The following PRKCA variants were observed in gnomAD, a reference collection of about 807,000 sequenced individuals.
PRKCA encodes protein kinase C alpha type.
PRKCA carries 27 observed loss-of-function variants against 87.0 expected under a neutral mutation model. The ratio of observed to expected loss-of-function variants is 0.31; its 90% CI spans 0.23 to 0.43. The LOEUF (loss-of-function observed/expected upper bound fraction) is 0.43. Ranked by LOEUF, PRKCA falls within the 20% of genes least tolerant of loss-of-function variation. The probability of loss-of-function intolerance (pLI) is 1.00; values close to 1 mark genes in which losing one functional copy is unlikely to be tolerated. For synonymous variants in PRKCA, 329 were observed against 311.1 expected, an observed-to-expected ratio of 1.06 and a Z score of -0.61; for missense variants, 518 against 852.3, an observed-to-expected ratio of 0.61 and a Z score of 4.88.
intron 9 of PRKCA, among the ~76,000 whole-genome samples, chr17:66,734,673 G>A (rs968125558): frequency 6.6e-6 from 1 of 152,140 alleles, no homozygotes; most frequent in Non-Finnish European, 1.5e-5. Flanking sequence ...CTGCGACTAA[G>A]AATGCCTGAC....
intron 3 of PRKCA, 106 bp from the exon 4 acceptor site, chr17:66,641,249 C>G: frequency 2.8e-6 from 2 of 711,866 alleles, no homozygotes; most frequent in East Asian, 5.1e-5. Flanking sequence ...CTGGTGTTAT[C>G]GAACCTTGAC....
At chr17:66,710,181 C>T (rs1303963605) in intron 8 of PRKCA, among the ~76,000 whole-genome samples, 1 of 151,460 alleles carries the variant, frequency 6.6e-6, no homozygotes, top group African/African-American at 2.4e-5. Flanking sequence ...CTTCCTACCC[C>T]TCCAAGGGTC....
chr17:66,365,447 C>G (rs1234132007), intron 2 of PRKCA, among the ~76,000 whole-genome samples: 2 of 152,092 alleles, frequency 1.3e-5, no homozygotes, highest in African/African-American at 4.8e-5. Flanking sequence ...TCATTTAATC[C>G]CCTTTTCAGA....
intron 3 of PRKCA, among the ~76,000 whole-genome samples, chr17:66,590,806 C>T (rs903589288): frequency 7.9e-5 from 12 of 152,100 alleles, no homozygotes; most frequent in Middle Eastern, 3.4e-3. Flanking sequence ...GCCGAGATCA[C>T]GCTACTGCAC....
rs1567987942 is a variant in PRKCA at position 66,708,806 on chromosome 17, A to C, written c.918+19759A>C. ...AATTTCCTCTAAGGCTCTGTCCAAT[A>C]CCAAGATTGCAATAAGGGTGTTTTT... On this transcript the variant is annotated intron_variant, in intron 8 of 16. Coordinates refer to ENST00000413366, the MANE Select transcript of PRKCA (RefSeq NM_002737.3). Among the ~76,000 whole-genome samples, 4 of 152,184 alleles carry C rather than the reference A, an allele frequency of 2.6e-5. No individual in the cohort carries two copies. The South Asian group carries it at 8.3e-4, about 32-fold the overall frequency.
At chr17:66,628,797 G>A (rs766310667) in intron 3 of PRKCA, among the ~76,000 whole-genome samples, 4 of 152,318 alleles carry the variant, frequency 2.6e-5, no homozygotes, top group Middle Eastern at 3.4e-3. Flanking sequence ...GGAGGCCGAC[G>A]TGGGCGGATC....
intron 5 of PRKCA, among the ~76,000 whole-genome samples, chr17:66,675,067 C>T (rs770722019): frequency 1.3e-5 from 2 of 152,238 alleles, no homozygotes; most frequent in Non-Finnish European, 2.9e-5. Flanking sequence ...CTCCCAGCTC[C>T]AAAACTGCCT....
intron 8 of PRKCA, among the ~76,000 whole-genome samples, chr17:66,712,675 A>G (rs1185174844): frequency 6.6e-6 from 1 of 152,094 alleles, no homozygotes; most frequent in Non-Finnish European, 1.5e-5. Flanking sequence ...TCATTCCAAG[A>G]AGGCAGCAGG....
At chr17:66,756,765 G>A (rs796406968) in intron 13 of PRKCA, among the ~76,000 whole-genome samples, 2 of 152,044 alleles carry the variant, frequency 1.3e-5, no homozygotes, top group South Asian at 2.1e-4. Flanking sequence ...GGGTTCAAGC[G>A]AGTCTCCGGC....
At chr17:66,496,030 A>T (rs1310504625) in intron 2 of PRKCA, among the ~76,000 whole-genome samples, 171 bp from the exon 3 acceptor site, 1 of 152,176 alleles carries the variant, frequency 6.6e-6, no homozygotes, top group African/African-American at 2.4e-5. Context: ...GAGTCTAATC[A>T]ATACCAAATG....
At chr17:66,503,150 G>A (rs550369857) in intron 3 of PRKCA, among the ~76,000 whole-genome samples, 2 of 152,292 alleles carry the variant, frequency 1.3e-5, no homozygotes, top group South Asian at 4.1e-4. Context: ...TTGTTAAAAG[G>A]CTTCAAGCGT....
rs933523665 is a variant in PRKCA, at chr17:66,805,672, C to T, written c.*1635C>T. On this transcript the variant is annotated 3_prime_UTR_variant, in exon 17 of 17. Transcript: ENST00000413366. ...CTCCCTCTTAGTTTCTTCATGTCAC[C>T]TTTCGTCCTGGTTCCTCCGCCACTC... is the stretch of plus-strand genomic sequence containing the variant. The T allele has an allele frequency of 6.6e-6, 1 of 152,190 alleles. No homozygotes were observed. Among genetic ancestry groups the T allele is most frequent in the Non-Finnish European group, 1.5e-5 (1 of 68,046 alleles). The allele number at this position is 152,190 out of a possible 1,614,324, so 9.4% of individuals were successfully genotyped here. A position where few individuals can be genotyped will look rare whatever the true frequency, so the allele number is the denominator to read the frequency against.
intron 2 of PRKCA, among the ~76,000 whole-genome samples, chr17:66,479,182 C>T (rs1223306258): frequency 6.6e-6 from 1 of 152,012 alleles, no homozygotes; most frequent in African/African-American, 2.4e-5. Context: ...AAAAAAACAA[C>T]CCCCCAAAAA....
chr17:66,564,017 T>TCTTTCTTC (rs1968807878), intron 3 of PRKCA, among the ~76,000 whole-genome samples: 3 of 147,338 alleles, frequency 2.0e-5, no homozygotes, highest in Non-Finnish European at 4.6e-5. Flanking sequence ...TTTCTTTCTC[T>TCTTTCTTC]CTCTCTTTCT....
intron 3 of PRKCA, among the ~76,000 whole-genome samples, chr17:66,533,700 G>A (rs976978706): frequency 2.9e-5 from 4 of 139,768 alleles, no homozygotes; most frequent in African/African-American, 8.7e-5. Flanking sequence ...CCAGGCTGCC[G>A]CCCCCACTGG....
At chr17:66,362,026 C>CT (rs1186971892) in intron 2 of PRKCA, among the ~76,000 whole-genome samples, 1 of 147,316 alleles carries the variant, frequency 6.8e-6, no homozygotes, top group Non-Finnish European at 1.5e-5. Flanking sequence ...GGGTTGAGCT[C>CT]TTTCTTTCTT....
intron 13 of PRKCA, among the ~76,000 whole-genome samples, chr17:66,761,822 G>A (rs551682090): frequency 1.6e-4 from 25 of 151,994 alleles, no homozygotes; most frequent in African/African-American, 5.1e-4. Context: ...CTTGGATATC[G>A]TATCTTAGCG....
intron 11 of PRKCA, among the ~76,000 whole-genome samples, chr17:66,740,502 G>T (rs1213514203): frequency 2.0e-5 from 3 of 152,162 alleles, no homozygotes; most frequent in Admixed American, 1.3e-4. Context: ...TTTTTGGCCT[G>T]CGAGGGATTA....
rs188663537 is a variant in PRKCA at position 66,469,015 on chromosome 17, A to C, written c.206-27186A>C. On this transcript the variant is annotated intron_variant, in intron 2 of 16. Transcript: ENST00000413366. ...AGAGCCAAGAAGGCCATGGACTCTG[A>C]GAATGGCATTTAAAGTCTCTGCCGG... 2.3e-3 allele frequency among the ~76,000 whole-genome samples: 348 copies of C among 152,328 alleles called. 2 individuals are homozygous for C. Among genetic ancestry groups the C allele is most frequent in the Non-Finnish European group, 2.3e-3 (159 of 68,026 alleles).
Sources: gnomAD v4.1 joint callset for allele counts (sites outside exome capture counted in the v4.1 genomes callset) on GRCh38, gnomAD v4.1.1 for gene constraint, MANE v1.5 for transcripts, NCBI Gene and HGNC (gene_info 2026-07-23, HGNC 2026-07-21) for gene names.